Variants in RBM12B observed in about 807,000 individuals in gnomAD.
The protein encoded by RBM12B is RNA-binding protein 12B.
Under a neutral mutation model 34.3 loss-of-function variants are expected in RBM12B, and 10 were observed. The observed-to-expected ratio is 0.29, with a 90% CI of 0.18 to 0.49. The LOEUF (loss-of-function observed/expected upper bound fraction) is 0.49, where lower values mean the gene tolerates loss of function less well. Among genes scored for constraint, RBM12B ranks in the 20% least tolerant of loss-of-function variants. The probability of loss-of-function intolerance (pLI) is 0.99; values close to 1 mark genes in which losing one functional copy is unlikely to be tolerated. For missense variants in RBM12B, 1,139 were observed against 1,262.7 expected (o/e 0.90, Z 1.48); for synonymous variants, 477 against 437.1 (o/e 1.09, Z -1.14).
At chr8:93,740,302 A>G (rs1812158186) in intron 2 of RBM12B, 1 of 457,174 alleles carries the variant, frequency 2.2e-6, no homozygotes, top group Non-Finnish European at 4.4e-6. Flanking sequence ...ATCCGAAGGC[A>G]TCGATTCTAC....
At position 93,740,868 on chromosome 8, in the gene RBM12B, A is replaced by G. The variant is rs1054832970; in HGVS notation, c.-146+13T>C. On this transcript the variant is annotated intron_variant, in intron 1 of 3. Transcript: ENST00000520560. ...CGAGGGGAACTGCTTCGCACTTGGC[A>G]ATAAACACACACCACTGCTGCCGAG... 1.3e-5 allele frequency: 4 copies of G among 316,570 alleles called. No individual in the cohort carries two copies. The highest frequency in any genetic ancestry group is 8.7e-5 in the African/African-American group (4 of 45,744). The allele number at this position is 316,570 out of a possible 1,614,324, so 19.6% of individuals were successfully genotyped here. A position where few individuals can be genotyped will look rare whatever the true frequency, so the allele number is the denominator to read the frequency against.
At position 93,733,798 on chromosome 8, in the gene RBM12B, A is replaced by T. The variant is rs1341370778; in HGVS notation, c.2613T>A (p.Asp871Glu). 4 of 1,614,126 alleles carry T rather than the reference A, an allele frequency of 2.5e-6. No individual in the cohort carries two copies. Among genetic ancestry groups the T allele is most frequent in the South Asian group, 1.1e-5 (1 of 91,084 alleles). ...LPDNFRPPGE[D>E]FRSPPDDFRS... ...TAAAATCATCAGGCGGGCTCCTAAA[A>T]TCCTCACCAGGAGGTCTAAAATTGT... Residue 871 changes from aspartate (D) to glutamate (E), a missense_variant, in exon 4 of 4, where the codon GAT becomes GAA. Transcript: ENST00000520560.
chr8:93,734,594 G>A lies in RBM12B; in HGVS notation c.1817C>T (p.Pro606Leu). The change falls in exon 4 of 4, where the codon CCT (proline) becomes CTT (leucine). Residue 606 changes from proline to leucine, a missense_variant. Pro to Leu is a moderately conservative substitution (Grantham distance 98). Coordinates refer to ENST00000520560, the MANE Select transcript of RBM12B (RefSeq NM_001377960.1). The part of the protein sequence containing the change: ...RRPWEEDFRR[P>L]PEDDFRHPRE... ...AGGGTGCCTGAAGTCATCCTCCGGA[G>A]GGCGCCTGAAATCTTCCTCCCAAGG... 1 of 1,613,304 alleles carries A rather than the reference G, an allele frequency of 6.2e-7. No homozygotes were observed. Among genetic ancestry groups the A allele is most frequent in the Non-Finnish European group, 8.5e-7 (1 of 1,179,728 alleles).
chr8:93,732,406 A>G lies in RBM12B; in HGVS notation c.*999T>C, dbSNP rs934203622. ...ACCACACAAGTCTTAACAGTTATAG[A>G]GTCTTTGCATGGACACAGTTTCGAA... On this transcript the variant is annotated 3_prime_UTR_variant, in exon 4 of 4. Transcript: ENST00000520560. 6.6e-6 allele frequency: 1 copy of G among 152,234 alleles called. No homozygotes were observed. The highest frequency in any genetic ancestry group is 1.5e-5 in the Non-Finnish European group (1 of 68,042). The allele number at this position is 152,234 out of a possible 1,614,324, so 9.4% of individuals were successfully genotyped here.
rs751749362 is a variant in RBM12B at position 93,735,027 on chromosome 8, G to A, written c.1384C>T (p.Arg462Ter). 9.9e-6 allele frequency: 16 copies of A among 1,613,836 alleles called. No homozygotes were observed. The highest frequency in any genetic ancestry group is 1.7e-5 in the Admixed American group (1 of 59,980). The change falls in exon 4 of 4, where the codon CGA (arginine) becomes TGA (stop). Residue 462 changes from arginine (R) to a stop codon, truncating the protein, a stop_gained. Coordinates refer to ENST00000520560, the MANE Select transcript of RBM12B (RefSeq NM_001377960.1). LOFTEE classifies it low-confidence loss of function (END_TRUNC). ...EQAMKAERLNRRRFLGTEVLL... is the reference protein window; with the variant it reads ...EQAMKAERLN ...ACCTCTGTCCCTAGGAATCTTCGTC[G>A]GTTTAAACGTTCAGCTTTCATGGCC...
At chr8:93,740,791 C>T in intron 1 of RBM12B, 90 bp downstream of exon 1, 2 of 337,444 alleles carry the variant, frequency 5.9e-6, no homozygotes, top group Non-Finnish European at 1.2e-5. Flanking sequence ...CCGGTCCCGC[C>T]TTTCCCCGTT....
chr8:93,734,165 CG>C lies in RBM12B; in HGVS notation c.2245del (p.Arg749GlyfsTer138). ...CCGCCGGAAGTGCTCTGGGGGAGGC[CG>C]CCTAAAATGCTCTGGAGGTGGTCTC... The part of the protein sequence containing the change: ...FRRPPPEHFR[R>X]PPPEHFRRPP... On this transcript the variant is annotated frameshift_variant, in exon 4 of 4. Transcript: ENST00000520560. LOFTEE classifies it high-confidence loss of function. 6.4e-7 allele frequency: 1 copy of C among 1,570,396 alleles called. No homozygotes were observed. The highest frequency in any genetic ancestry group is 8.6e-7 in the Non-Finnish European group (1 of 1,159,110).
In RBM12B at chr8:93,728,522, C is replaced by T. The variant is rs370901473; in HGVS notation, c.*4883G>A. ...TGTTACATGATTTTTGTGTAAGTGC[C>T]TTTTTTTTTAAAGATGGTGTATTTC... On this transcript the variant is annotated 3_prime_UTR_variant, in exon 4 of 4. Coordinates refer to ENST00000520560, the MANE Select transcript of RBM12B (RefSeq NM_001377960.1). 1.7e-5 allele frequency: 6 copies of T among 354,016 alleles called. No homozygotes were observed. The highest frequency in any genetic ancestry group is 1.1e-4 in the African/African-American group (5 of 46,200). 21.9% of individuals were successfully genotyped at this position (354,016 alleles called of 1,614,324 possible).
Position 93,734,564 on chromosome 8 carries a change from T to C in RBM12B, c.1847A>G (p.Glu616Gly). The C allele has an allele frequency of 6.2e-7, 1 of 1,613,176 alleles. No individual in the cohort carries two copies. The highest frequency in any genetic ancestry group is 8.5e-7 in the Non-Finnish European group (1 of 1,179,770). ...CTCAAGGGGCCTCCTCCAGTCCTCC[T>C]CCCTAGGGTGCCTGAAGTCATCCTC... is the stretch of plus-strand genomic sequence containing the variant. The part of the protein sequence containing the change: ...PPEDDFRHPR[E>G]EDWRRPLEED... The change falls in exon 4 of 4, where the codon GAG (glutamate) becomes GGG (glycine). Residue 616 changes from glutamate to glycine, a missense_variant. By Grantham distance (98) the Glu-to-Gly change is moderately conservative (BLOSUM62 -2). Transcript: ENST00000520560.
rs748400099 is a variant in RBM12B, at chr8:93,733,764, G to C, written c.2647C>G (p.Arg883Gly). Residue 883 changes from arginine (R) to glycine (G), a missense_variant, in exon 4 of 4, where the codon CGC becomes GGC. Physicochemically the swap from Arg to Gly is moderately radical, Grantham distance 125. Around this residue, in one of 3 missense-constraint regions of RBM12B, gnomAD observed 863 missense variants for 869.5 expected, o/e 0.99. Transcript: ENST00000520560. The stretch of plus-strand genomic sequence containing the variant: ...GGGCGACCAAAATTCACAAAAGGGC[G>C]GTGACTTCTAAAATCATCAGGCGGG... ...RSPPDDFRSH[R>G]PFVNFGRPEG... is the part of the protein sequence containing the mutation. 6.2e-7 allele frequency: 1 copy of C among 1,614,130 alleles called. No individual in the cohort carries two copies. The highest frequency in any genetic ancestry group is 1.3e-5 in the African/African-American group (1 of 75,038).
In RBM12B at chr8:93,735,342, GATCA is replaced by G; in HGVS notation, c.1065_1068del (p.Asp356GlnfsTer8). The G allele has an allele frequency of 6.2e-7, 1 of 1,613,934 alleles. No individual in the cohort carries two copies. Among genetic ancestry groups the G allele is most frequent in the Non-Finnish European group, 8.5e-7 (1 of 1,180,000 alleles). On this transcript the variant is annotated frameshift_variant, in exon 4 of 4. Transcript: ENST00000520560. LOFTEE classifies it low-confidence loss of function (END_TRUNC). Reference sequence around the variant, plus strand: ...TTCAGCATTTGTTTTCTAGAAATTGGATCAATATGAACTGGACGATATTGTAAAA... The same window carrying G: ...TTCAGCATTTGTTTTCTAGAAATTGGATATGAACTGGACGATATTGTAAAA...
rs1811716147 is a variant in RBM12B at position 93,729,754 on chromosome 8, T to G, written c.*3651A>C. 1.3e-5 allele frequency: 2 copies of G among 152,296 alleles called. No individual in the cohort carries two copies. The highest frequency in any genetic ancestry group is 4.1e-4 in the South Asian group (2 of 4,828). 9.4% of individuals were successfully genotyped at this position (152,296 alleles called of 1,614,324 possible). ...TTCAAGACTATTATACAGGTAACTA[T>G]GTAACCATGTAAGACTTAAGTACAC... On this transcript the variant is annotated 3_prime_UTR_variant, in exon 4 of 4. Coordinates refer to ENST00000520560, the MANE Select transcript of RBM12B (RefSeq NM_001377960.1).
At position 93,740,621 on chromosome 8, in the gene RBM12B, A is replaced by C; in HGVS notation, c.-78+8T>G. The C allele has an allele frequency of 2.5e-6, 1 of 404,510 alleles. No homozygotes were observed. Among genetic ancestry groups the C allele is most frequent in the Non-Finnish European group, 5.0e-6 (1 of 201,856 alleles). 25.1% of individuals were successfully genotyped at this position (404,510 alleles called of 1,614,324 possible). On this transcript the variant is annotated splice_region_variant and intron_variant, in intron 2 of 3. Coordinates refer to ENST00000520560, the MANE Select transcript of RBM12B (RefSeq NM_001377960.1). ...GACTACGATGACATAGCAAAGAAAA[A>C]AATATACCTATGAAATCCTTCGAGA...
rs771119080 is a variant in RBM12B at position 93,735,615 on chromosome 8, T to C, written c.796A>G (p.Lys266Glu). Residue 266 changes from lysine (K) to glutamate (E), a missense_variant, in exon 4 of 4, where the codon AAA becomes GAA. By Grantham distance (56) the Lys-to-Glu change is moderately conservative. Around this residue, in one of 3 missense-constraint regions of RBM12B, gnomAD observed 863 missense variants for 869.5 expected, o/e 0.99. Transcript: ENST00000520560. Reference sequence around the variant, plus strand: ...CTGGGAGATTTTGAATGAGACCGTTTTCGAAAATGTCTATCATTAATTCCT... The same window carrying C: ...CTGGGAGATTTTGAATGAGACCGTTCTCGAAAATGTCTATCATTAATTCCT... ...PRGINDRHFR[K>E]RSHSKSPRRT... 2 of 1,614,120 alleles carry C rather than the reference T, an allele frequency of 1.2e-6. No homozygotes were observed. The highest frequency in any genetic ancestry group is 2.2e-5 in the South Asian group (2 of 91,078).
At position 93,729,598 on chromosome 8, in the gene RBM12B, A is replaced by G. The variant is rs1354643272; in HGVS notation, c.*3807T>C. ...GCCTACCTCAAAGAAATATTCTAAG[A>G]ACAAAAGGAATACTATCCATGAAAA... On this transcript the variant is annotated 3_prime_UTR_variant, in exon 4 of 4. Coordinates refer to ENST00000520560, the MANE Select transcript of RBM12B (RefSeq NM_001377960.1). 1 of 152,200 alleles carries G rather than the reference A, an allele frequency of 6.6e-6. No homozygotes were observed. The highest frequency in any genetic ancestry group is 2.4e-5 in the African/African-American group (1 of 41,468). 9.4% of individuals were successfully genotyped at this position (152,200 alleles called of 1,614,324 possible).
intron 2 of RBM12B, among the ~76,000 whole-genome samples, chr8:93,738,578 T>C (rs926199167): frequency 6.6e-6 from 1 of 152,146 alleles, no homozygotes; most frequent in Non-Finnish European, 1.5e-5. Flanking sequence ...TGCTCCCACC[T>C]CAGCCTCCCC....
chr8:93,734,238 T>A lies in RBM12B; in HGVS notation c.2173A>T (p.Arg725Trp). The A allele has an allele frequency of 6.2e-7, 1 of 1,604,758 alleles. No homozygotes were observed. The highest frequency in any genetic ancestry group is 8.5e-7 in the Non-Finnish European group (1 of 1,175,288). ...CGACGGAAATGCTCCTGAGGTGGCC[T>A]CCGGAAATGCTCCTGGGGTGACTGC... is the stretch of plus-strand genomic sequence containing the variant. The part of the protein sequence containing the change: ...FRQSPQEHFR[R>W]PPQEHFRRPP... Residue 725 changes from arginine to tryptophan, a missense_variant, in exon 4 of 4, where the codon AGG (arginine) becomes TGG (tryptophan). Arg to Trp is a moderately radical substitution (Grantham distance 101). Around this residue, in one of 3 missense-constraint regions of RBM12B, gnomAD observed 863 missense variants for 869.5 expected, o/e 0.99. Transcript: ENST00000520560.
chr8:93,733,545 A>C lies in RBM12B; in HGVS notation c.2866T>G (p.Ser956Ala), dbSNP rs755966962. The C allele has an allele frequency of 6.2e-7, 1 of 1,613,606 alleles. No homozygotes were observed. The highest frequency in any genetic ancestry group is 1.1e-5 in the South Asian group (1 of 91,054). The change falls in exon 4 of 4, where the codon TCG becomes GCG. Residue 956 changes from serine (S) to alanine (A), a missense_variant. Ser to Ala is a moderately conservative substitution (Grantham distance 99). This residue lies in a region of RBM12B where 60 missense variants were observed against 101.0 expected (regional missense o/e 0.59). Coordinates refer to ENST00000520560, the MANE Select transcript of RBM12B (RefSeq NM_001377960.1). Reference sequence around the variant, plus strand: ...AAGCCTTGCTCATTATACTGTATCGAAACTGAATCAGGTATGATTCTGTAA... The same window carrying C: ...AAGCCTTGCTCATTATACTGTATCGCAACTGAATCAGGTATGATTCTGTAA... ...HGYRIIPDSVSIQYNEQGLPT... is the reference protein window; with the variant it reads ...HGYRIIPDSVAIQYNEQGLPT...
At chr8:93,738,979 T>C (rs766893564) in intron 2 of RBM12B, 1 of 152,152 alleles carries the variant, frequency 6.6e-6, no homozygotes, top group South Asian at 2.1e-4. Flanking sequence ...ATTAATCAGG[T>C]TTGCTATTAA....
Sources: allele counts gnomAD v4.1 joint callset (sites outside exome capture counted in the v4.1 genomes callset), GRCh38; gene constraint gnomAD v4.1.1; regional missense constraint gnomAD v4.1.1; transcripts MANE v1.5; gene names NCBI Gene and HGNC (gene_info 2026-07-23, HGNC 2026-07-21).